TLK1: variants seen among roughly 807,000 people sequenced by gnomAD.
TLK1 encodes the protein serine/threonine-protein kinase tousled-like 1.
A neutral mutation model predicts 105.3 loss-of-function variants in TLK1; 24 were observed. The ratio of observed to expected loss-of-function variants is 0.23; its 90% CI spans 0.17 to 0.32. TLK1 has a LOEUF of 0.32. TLK1 is among the 10% of genes least tolerant of loss of function. The pLI, the probability that TLK1 is intolerant of heterozygous loss-of-function variation, is 1.00. For missense variants in TLK1, 558 were observed against 910.5 expected, an observed-to-expected ratio of 0.61 and a Z score of 4.98; for synonymous variants, 321 against 310.4, an observed-to-expected ratio of 1.03 and a Z score of -0.36.
At chr2:171,209,663 A>G (rs1375456640) in intron 1 of TLK1, among the ~76,000 whole-genome samples, 2 of 152,188 alleles carry the variant, frequency 1.3e-5, no homozygotes, top group Non-Finnish European at 2.9e-5. Flanking sequence ...AATTATAATG[A>G]GTTACAGTGA....
chr2:171,059,975 G>A, intron 4 of TLK1: 1 of 1,611,870 alleles, frequency 6.2e-7, no homozygotes, highest in Non-Finnish European at 8.5e-7. Context: ...AAGACCGGGA[G>A]GTTGGGGAAC....
intron 1 of TLK1, among the ~76,000 whole-genome samples, chr2:171,143,406 T>G (rs1169921406): frequency 6.6e-6 from 1 of 150,666 alleles, no homozygotes; most frequent in Non-Finnish European, 1.5e-5. Context: ...CTCGGGAGGC[T>G]GAGGCATGAG....
At chr2:171,025,337 T>C (rs1359966894) in intron 12 of TLK1, among the ~76,000 whole-genome samples, 1 of 152,162 alleles carries the variant, frequency 6.6e-6, no homozygotes, top group African/African-American at 2.4e-5. Context: ...AGTAAACAGG[T>C]CTTTCTATTC....
At chr2:171,146,838 T>C (rs1330326595) in intron 1 of TLK1, among the ~76,000 whole-genome samples, 1 of 152,240 alleles carries the variant, frequency 6.6e-6, no homozygotes, top group East Asian at 1.9e-4. Flanking sequence ...CTGGAAACAG[T>C]TGCTCAATGA....
intron 1 of TLK1, among the ~76,000 whole-genome samples, chr2:171,198,769 C>T (rs183770146): frequency 6.6e-6 from 1 of 152,292 alleles, no homozygotes; most frequent in East Asian, 1.9e-4. Context: ...TAAATTTATC[C>T]TCCAATCTAG....
chr2:171,199,804 G>C (rs1693363962), intron 1 of TLK1, among the ~76,000 whole-genome samples: 1 of 152,158 alleles, frequency 6.6e-6, no homozygotes, highest in Non-Finnish European at 1.5e-5. Context: ...AGAAATCAAG[G>C]AATATAATGT....
At chr2:171,163,019 T>C (rs1692543475), upstream of TLK1, among the ~76,000 whole-genome samples, 2 of 152,228 alleles carry the variant, frequency 1.3e-5, no homozygotes, top group Admixed American at 1.3e-4. Flanking sequence ...CTCAATCTCC[T>C]GACCTCAGGT....
intron 8 of TLK1, 55 bp from the exon 9 acceptor site, chr2:171,050,229 A>G (rs774347487): frequency 3.2e-6 from 4 of 1,260,582 alleles, no homozygotes; most frequent in Admixed American, 2.5e-5. Context: ...TGAAAAGCTT[A>G]GAAATAGTTT....
chr2:171,161,141 G>A (rs1692486166), upstream of TLK1, among the ~76,000 whole-genome samples: 1 of 148,028 alleles, frequency 6.8e-6, no homozygotes. Context: ...GGGAGCCCGG[G>A]GTTGCCGGAC....
intron 19 of TLK1, 64 bp from the exon 20 acceptor site, chr2:170,996,824 T>C (rs1684086823): frequency 2.8e-6 from 4 of 1,405,688 alleles, no homozygotes; most frequent in Admixed American, 2.2e-5. Flanking sequence ...AGATATCATT[T>C]CTGTTTAAGC....
chr2:170,994,628 T>C (rs941498341), intron 20 of TLK1: 5 of 509,244 alleles, frequency 9.8e-6, no homozygotes, highest in Admixed American at 8.0e-5. Flanking sequence ...AATACATCTA[T>C]GTAACTGGCA....
At chr2:171,035,575 G>A (rs550138526) in intron 11 of TLK1, among the ~76,000 whole-genome samples, 1 of 152,290 alleles carries the variant, frequency 6.6e-6, no homozygotes, top group Admixed American at 6.5e-5. Flanking sequence ...GTACTACTGT[G>A]ATATGCAAAA....
intron 1 of TLK1, among the ~76,000 whole-genome samples, chr2:171,230,361 A>T (rs1423419291): frequency 6.6e-6 from 1 of 152,184 alleles, no homozygotes; most frequent in East Asian, 1.9e-4. Flanking sequence ...CAAAGATAAG[A>T]TCTGTGACAT....
At chr2:171,183,380 T>C (rs1692963232) in intron 1 of TLK1, among the ~76,000 whole-genome samples, 1 of 152,196 alleles carries the variant, frequency 6.6e-6, no homozygotes, top group Non-Finnish European at 1.5e-5. Flanking sequence ...TTACCACATA[T>C]GTAGAAATTC....
intron 12 of TLK1, among the ~76,000 whole-genome samples, chr2:171,017,962 G>C (rs947269191): frequency 1.3e-5 from 2 of 152,158 alleles, no homozygotes; most frequent in Non-Finnish European, 2.9e-5. Context: ...CACTTCTGGG[G>C]GAAAGGTAAC....
At chr2:171,098,263 A>C (rs931592995) in intron 2 of TLK1, among the ~76,000 whole-genome samples, 12 of 152,104 alleles carry the variant, frequency 7.9e-5, no homozygotes, top group African/African-American at 2.4e-4. Context: ...TTTTCCGCAC[A>C]AAAAAAACTA....
intron 1 of TLK1, among the ~76,000 whole-genome samples, chr2:171,229,661 C>G (rs1015877111): frequency 6.6e-6 from 1 of 152,168 alleles, no homozygotes; most frequent in Non-Finnish European, 1.5e-5. Flanking sequence ...AGAAAGGGTG[C>G]AAACTTTGCA....
chr2:171,002,834 G>C (rs1051983451), intron 18 of TLK1, among the ~76,000 whole-genome samples: 4 of 151,736 alleles, frequency 2.6e-5, no homozygotes, highest in Non-Finnish European at 5.9e-5. Context: ...ATGGGGTTTT[G>C]CCATGTTGCT....
intron 5 of TLK1, 116 bp from the exon 6 acceptor site, chr2:171,056,682 T>C (rs922650300): frequency 2.7e-6 from 2 of 737,570 alleles, no homozygotes; most frequent in Non-Finnish European, 4.1e-6. Flanking sequence ...AGTAGTCATT[T>C]AAATGGGTCC....
Sources: gnomAD v4.1 joint callset for allele counts (sites outside exome capture counted in the v4.1 genomes callset) on GRCh38, gnomAD v4.1.1 for gene constraint, MANE v1.5 for transcripts, NCBI Gene and HGNC (gene_info 2026-07-23, HGNC 2026-07-21) for gene names.